FANCC: variants seen among roughly 807,000 people sequenced by gnomAD.
FANCC encodes FA complementation group C, also known as Fanconi anemia group C protein.
Under a neutral mutation model 71.3 loss-of-function variants are expected in FANCC, and 55 were observed. The observed-to-expected ratio is 0.77, with a 90% CI of 0.62 to 0.97. The LOEUF is 0.97. FANCC is among the 50% of genes least tolerant of loss of function. The pLI, the probability that FANCC is intolerant of heterozygous loss-of-function variation, is 0.00. For missense variants in FANCC, 678 were observed against 670.9 expected (o/e 1.01, Z -0.12); for synonymous variants, 275 against 244.9 (o/e 1.12, Z -1.15).
intron 4 of FANCC, among the ~76,000 whole-genome samples, chr9:95,229,770 T>TACACACACACAC (rs3030656): frequency 5.4e-5 from 8 of 148,312 alleles, no homozygotes; most frequent in Admixed American, 3.4e-4. Context: ...TGCACACATG[T>TACACACACACAC]ACACACACAC....
At chr9:95,190,762 C>T (rs894206808) in intron 4 of FANCC, among the ~76,000 whole-genome samples, 1 of 152,238 alleles carries the variant, frequency 6.6e-6, no homozygotes, top group African/African-American at 2.4e-5. Context: ...TTCTTTTCAT[C>T]TAGTCTAACT....
chr9:95,227,393 A>G (rs1482750023), intron 4 of FANCC, among the ~76,000 whole-genome samples: 2 of 152,212 alleles, frequency 1.3e-5, no homozygotes, highest in Admixed American at 6.5e-5. Context: ...AGAGGAGCCA[A>G]CCAAACCACA....
At chr9:95,291,438 A>C (rs1833990398) in intron 1 of FANCC, among the ~76,000 whole-genome samples, 1 of 152,226 alleles carries the variant, frequency 6.6e-6, no homozygotes, top group Admixed American at 6.5e-5. Context: ...TATTAATAGC[A>C]AACTATCTGA....
chr9:95,197,016 T>G (rs1827498569), intron 4 of FANCC, among the ~76,000 whole-genome samples: 1 of 152,208 alleles, frequency 6.6e-6, no homozygotes, highest in Non-Finnish European at 1.5e-5. Context: ...TTTTTCATAT[T>G]TAGTCTGAGT....
At chr9:95,295,799 C>T (rs1040976396) in intron 1 of FANCC, among the ~76,000 whole-genome samples, 5 of 150,824 alleles carry the variant, frequency 3.3e-5, no homozygotes, top group African/African-American at 1.2e-4. Flanking sequence ...AGTACAATGG[C>T]TGTTGCCAGG....
intron 4 of FANCC, among the ~76,000 whole-genome samples, chr9:95,218,697 A>C (rs1465790432): frequency 1.3e-5 from 2 of 152,234 alleles, no homozygotes; most frequent in African/African-American, 4.8e-5. Context: ...GAATAGTATA[A>C]AGAAGAAAAA....
intron 2 of FANCC, among the ~76,000 whole-genome samples, chr9:95,248,828 C>A (rs1831155715): frequency 6.6e-6 from 1 of 152,118 alleles, no homozygotes. Flanking sequence ...TCAAGGGACA[C>A]AAAGGCCTTC....
intron 1 of FANCC, among the ~76,000 whole-genome samples, chr9:95,250,794 C>T (rs1359651436): frequency 2.6e-5 from 4 of 152,248 alleles, no homozygotes; most frequent in Non-Finnish European, 5.9e-5. Flanking sequence ...TTGCACTTGT[C>T]TACTGCCAGG....
intron 10 of FANCC, chr9:95,124,008 G>C (rs772122030): frequency 1.2e-5 from 4 of 322,628 alleles, no homozygotes; most frequent in Non-Finnish European, 2.4e-5. Context: ...AGGGGCTGAA[G>C]TGTGAGGATC....
intron 1 of FANCC, among the ~76,000 whole-genome samples, chr9:95,305,883 T>C (rs192567871): frequency 5.3e-4 from 81 of 152,342 alleles, no homozygotes; most frequent in African/African-American, 1.9e-3. Flanking sequence ...CTCAAAGGCA[T>C]TTCCTAGAGT....
intron 1 of FANCC, among the ~76,000 whole-genome samples, chr9:95,268,413 T>C (rs1441469148): frequency 6.6e-6 from 1 of 152,228 alleles, no homozygotes; most frequent in Non-Finnish European, 1.5e-5. Context: ...TCAGCTAAGT[T>C]ACTACTAGCT....
chr9:95,230,179 G>A (rs73537212), intron 4 of FANCC, among the ~76,000 whole-genome samples: 3,316 of 152,144 alleles, frequency 0.022, 120 homozygotes, highest in African/African-American at 0.076. Flanking sequence ...GCCCTGTGCC[G>A]TCCCCAGCAG....
At chr9:95,171,972 A>G in intron 5 of FANCC, 65 bp downstream of exon 5, 1 of 975,796 alleles carries the variant, frequency 1.0e-6, no homozygotes, top group South Asian at 1.3e-5. Flanking sequence ...ATTTCCATTT[A>G]CTCTTTTTGC....
intron 4 of FANCC, among the ~76,000 whole-genome samples, chr9:95,216,516 T>C (rs1828871931): frequency 6.6e-6 from 1 of 152,220 alleles, no homozygotes; most frequent in South Asian, 2.1e-4. Flanking sequence ...CTGCTTTTGC[T>C]CCAGACTATA....
Position 95,219,295 on chromosome 9 carries a change from T to C in FANCC, c.345+21354A>G, listed in dbSNP as rs558720735. ...AGGCTCTTAGAGAAATTAATACATG[T>C]AACAGCAGCCATGTATACAGCGGAA... On this transcript the variant is annotated intron_variant, in intron 4 of 14. Coordinates refer to ENST00000289081, the MANE Select transcript of FANCC (RefSeq NM_000136.3). Among the ~76,000 whole-genome samples the C allele has an allele frequency of 2.0e-5, 3 of 152,130 alleles. No homozygotes were observed. In the South Asian group the frequency reaches 6.2e-4, roughly 32 times the overall value.
chr9:95,145,797 C>T lies in FANCC; in HGVS notation c.686+4126G>A, dbSNP rs755465597. 3.9e-4 allele frequency among the ~76,000 whole-genome samples: 60 copies of T among 152,254 alleles called. 1 individual carries two copies. The highest frequency in any genetic ancestry group is 1.3e-4 in the Admixed American group (2 of 15,298). ...CCCACAGGACTGTGCTCCAGAGGCA[C>T]GCACCCTTTATCACACTCAAGAGGG... On this transcript the variant is annotated intron_variant, in intron 7 of 14. Transcript: ENST00000289081.
intron 14 of FANCC, among the ~76,000 whole-genome samples, chr9:95,104,186 C>CAGG (rs1208647181): frequency 6.6e-6 from 1 of 152,190 alleles, no homozygotes; most frequent in East Asian, 1.9e-4. Flanking sequence ...CCCAGAGGCC[C>CAGG]TCCCTGCCAC....
intron 6 of FANCC, among the ~76,000 whole-genome samples, chr9:95,154,846 A>G (rs999736959): frequency 5.3e-5 from 8 of 152,312 alleles, no homozygotes; most frequent in South Asian, 2.1e-4. Context: ...TTTCCATGAC[A>G]TAAGTGTTTT....
At chr9:95,244,678 CAAAAAAAAAAAAAAAAAAAAA>C (rs576605250) in intron 3 of FANCC, among the ~76,000 whole-genome samples, 36 of 41,576 alleles carry the variant, frequency 8.7e-4, no homozygotes, top group African/African-American at 3.5e-3. Flanking sequence ...GACTTTGTCT[CAAAAAAAAAAAAAAAAAAAAA>C]AAAAAAAAAA....
Sources: gnomAD v4.1 joint callset for allele counts (sites outside exome capture counted in the v4.1 genomes callset) on GRCh38, gnomAD v4.1.1 for gene constraint, MANE v1.5 for transcripts, NCBI Gene and HGNC (gene_info 2026-07-23, HGNC 2026-07-21) for gene names.